Variants in FBXO42 observed in about 807,000 individuals in gnomAD.
The protein encoded by FBXO42 is F-box protein 42.
FBXO42 carries 12 observed loss-of-function variants against 71.7 expected under a neutral mutation model. The observed-to-expected ratio is 0.17, with a 90% CI of 0.11 to 0.27. The LOEUF is 0.27. FBXO42 is among the 10% of genes least tolerant of loss of function. The probability of loss-of-function intolerance (pLI) is 1.00; values close to 1 mark genes in which losing one functional copy is unlikely to be tolerated. For synonymous variants in FBXO42, 325 were observed against 327.5 expected, an observed-to-expected ratio of 0.99 and a Z score of 0.08; for missense variants, 707 against 911.9, an observed-to-expected ratio of 0.78 and a Z score of 2.89.
intron 1 of FBXO42, among the ~76,000 whole-genome samples, chr1:16,332,672 C>A (rs1365758814): frequency 6.6e-6 from 1 of 151,882 alleles, no homozygotes; most frequent in Non-Finnish European, 1.5e-5. Flanking sequence ...TGCTGAACAG[C>A]TGGGATTACA....
At chr1:16,352,087 C>T (rs1168505334) in intron 1 of FBXO42, among the ~76,000 whole-genome samples, 168 bp downstream of exon 1, 2 of 152,226 alleles carry the variant, frequency 1.3e-5, no homozygotes, top group Admixed American at 6.5e-5. Flanking sequence ...CCTCGCCTCA[C>T]TCGAGGACGG....
chr1:16,271,589 C>T (rs2081846321), intron 4 of FBXO42, among the ~76,000 whole-genome samples: 1 of 151,892 alleles, frequency 6.6e-6, no homozygotes, highest in African/African-American at 2.4e-5. Flanking sequence ...CCCCTAACTA[C>T]CTTTCTAATA....
At chr1:16,256,294 G>A (rs1248403411) in intron 5 of FBXO42, among the ~76,000 whole-genome samples, 1 of 152,236 alleles carries the variant, frequency 6.6e-6, no homozygotes, top group Non-Finnish European at 1.5e-5. Context: ...AACACTCCTG[G>A]AGTGTTAGCA....
intron 4 of FBXO42, among the ~76,000 whole-genome samples, chr1:16,279,561 T>C (rs2081938753): frequency 6.6e-6 from 1 of 152,196 alleles, no homozygotes; most frequent in Admixed American, 6.6e-5. Flanking sequence ...TGTGAAAAAG[T>C]TTCTTCAAAT....
At chr1:16,289,242 G>T (rs184335310) in intron 4 of FBXO42, among the ~76,000 whole-genome samples, 2 of 150,982 alleles carry the variant, frequency 1.3e-5, no homozygotes, top group African/African-American at 4.9e-5. Context: ...AAAAAAAAAA[G>T]AAAGAAAAGA....
intron 1 of FBXO42, among the ~76,000 whole-genome samples, chr1:16,341,745 C>T (rs149876490): frequency 0.022 from 3,219 of 146,196 alleles, 57 homozygotes; most frequent in Non-Finnish European, 0.032. Flanking sequence ...CCAAGGCGGG[C>T]GGATCACCTG....
chr1:16,352,472 A>G lies in FBXO42; in HGVS notation c.-235T>C. On this transcript the variant is annotated 5_prime_UTR_variant, in exon 1 of 10. Transcript: ENST00000375592. The stretch of plus-strand genomic sequence containing the variant: ...CTGCTGCTGCTCAGGCCGGGAGAAG[A>G]CAGCGCAGAGCGCGCATGCGCCGGG... 2.5e-6 allele frequency: 1 copy of G among 396,736 alleles called. No individual in the cohort carries two copies. The highest frequency in any genetic ancestry group is 4.4e-6 in the Non-Finnish European group (1 of 224,906). The allele number at this position is 396,736 out of a possible 1,614,324, so 24.6% of individuals were successfully genotyped here. A position where few individuals can be genotyped will look rare whatever the true frequency, so the allele number is the denominator to read the frequency against.
rs2082244817 is a variant in FBXO42 at position 16,305,885 on chromosome 1, C to T, written c.285G>A (p.Lys95=). 6.2e-7 allele frequency: 1 copy of T among 1,614,032 alleles called. No individual in the cohort carries two copies. The highest frequency in any genetic ancestry group is 1.3e-5 in the African/African-American group (1 of 74,930). ...ACTGAATGTTTCCTTCCTGGACAGC[C>T]TTCATGAAACCATGATAACACTGAT... The part of the protein sequence containing the change: ...VAHQCYHGFM[K]AVQEGNIQWE... Residue 95 remains lysine (K), a synonymous_variant, in exon 3 of 10, where the codon AAG becomes AAA. Coordinates refer to ENST00000375592, the MANE Select transcript of FBXO42 (RefSeq NM_018994.3).
chr1:16,248,973 A>T lies in FBXO42; in HGVS notation c.*1697T>A, dbSNP rs1442791223. The stretch of plus-strand genomic sequence containing the variant: ...AACAGGAGAAAACACACTTATCAGT[A>T]CACTTAGGCTGCCAGATGCTGGCTG... On this transcript the variant is annotated 3_prime_UTR_variant, in exon 10 of 10. Coordinates refer to ENST00000375592, the MANE Select transcript of FBXO42 (RefSeq NM_018994.3). 6.6e-6 allele frequency: 1 copy of T among 152,288 alleles called. No individual in the cohort carries two copies. The highest frequency in any genetic ancestry group is 1.5e-5 in the Non-Finnish European group (1 of 68,050). 9.4% of individuals were successfully genotyped at this position (152,288 alleles called of 1,614,324 possible).
At chr1:16,309,368 C>T (rs1004996554) in intron 2 of FBXO42, among the ~76,000 whole-genome samples, 11 of 151,760 alleles carry the variant, frequency 7.2e-5, no homozygotes, top group South Asian at 2.1e-4. Context: ...TGAGCCACCG[C>T]GCCTGGCCAA....
intron 1 of FBXO42, among the ~76,000 whole-genome samples, chr1:16,340,482 T>G (rs989849380): frequency 1.3e-5 from 2 of 151,960 alleles, no homozygotes. Context: ...CCCGCCCAGC[T>G]AATTTTTTGT....
chr1:16,332,115 T>C (rs1420194779), intron 1 of FBXO42, among the ~76,000 whole-genome samples: 5 of 151,574 alleles, frequency 3.3e-5, no homozygotes, highest in African/African-American at 1.2e-4. Context: ...TTAGCTTTAA[T>C]AGTTAGTCAC....
At chr1:16,269,587 G>A (rs918830720) in intron 4 of FBXO42, among the ~76,000 whole-genome samples, 8 of 151,686 alleles carry the variant, frequency 5.3e-5, no homozygotes, top group Admixed American at 1.3e-4. Flanking sequence ...GTGCAATGGC[G>A]TGATCTCGGC....
rs554556217 is a variant in FBXO42 at position 16,352,437 on chromosome 1, G to A, written c.-200C>T. ...CATCTTCCTCCACTCAAACGCCGCC[G>A]CCGCCGCAGCTGCTGCTGCTCAGGC... is the stretch of plus-strand genomic sequence containing the variant. On this transcript the variant is annotated 5_prime_UTR_variant, in exon 1 of 10. Transcript: ENST00000375592. 3.8e-4 allele frequency: 151 copies of A among 398,824 alleles called. 3 individuals are homozygous for A. The South Asian group carries it at 0.013, about 35-fold the overall frequency. The allele number at this position is 398,824 out of a possible 1,614,324, so 24.7% of individuals were successfully genotyped here. A position where few individuals can be genotyped will look rare whatever the true frequency, so the allele number is the denominator to read the frequency against.
At chr1:16,272,666 C>T (rs2081859214) in intron 4 of FBXO42, among the ~76,000 whole-genome samples, 1 of 152,308 alleles carries the variant, frequency 6.6e-6, no homozygotes, top group African/African-American at 2.4e-5. Context: ...GTCAGCCACA[C>T]TTTGATCCCT....
At chr1:16,298,285 A>T (rs2082153831) in intron 3 of FBXO42, among the ~76,000 whole-genome samples, 1 of 152,198 alleles carries the variant, frequency 6.6e-6, no homozygotes, top group Non-Finnish European at 1.5e-5. Context: ...GTTAGAAGAC[A>T]TTAGACAAAC....
chr1:16,313,548 T>C (rs1234775062), intron 2 of FBXO42, among the ~76,000 whole-genome samples: 1 of 152,232 alleles, frequency 6.6e-6, no homozygotes, highest in East Asian at 1.9e-4. Context: ...CAACTCAGAA[T>C]ATAGAAGCAG....
chr1:16,307,277 T>C (rs116722827), intron 2 of FBXO42, among the ~76,000 whole-genome samples: 1,652 of 152,236 alleles, frequency 0.011, 20 homozygotes, highest in Middle Eastern at 0.017. Context: ...AGCAGAAGGA[T>C]AGCTTGAAGC....
chr1:16,280,081 C>G (rs1264476184), intron 4 of FBXO42, among the ~76,000 whole-genome samples: 1 of 152,082 alleles, frequency 6.6e-6, no homozygotes, highest in Non-Finnish European at 1.5e-5. Context: ...CTCCTGGCCT[C>G]GAATGATCCA....
Sources: allele counts gnomAD v4.1 joint callset (sites outside exome capture counted in the v4.1 genomes callset), GRCh38; gene constraint gnomAD v4.1.1; transcripts MANE v1.5; gene names NCBI Gene and HGNC (gene_info 2026-07-23, HGNC 2026-07-21).